SLC4A4: variants seen among roughly 807,000 people sequenced by gnomAD.
The protein encoded by SLC4A4 is solute carrier family 4 member 4.
SLC4A4 carries 27 observed loss-of-function variants against 111.5 expected under a neutral mutation model. The ratio of observed to expected loss-of-function variants is 0.24; its 90% CI spans 0.18 to 0.33. SLC4A4 has a LOEUF of 0.33. Ranked by LOEUF, SLC4A4 falls within the 10% of genes least tolerant of loss-of-function variation. The probability of loss-of-function intolerance (pLI) is 1.00; values close to 1 mark genes in which losing one functional copy is unlikely to be tolerated. For synonymous variants in SLC4A4, 443 were observed against 463.4 expected, an observed-to-expected ratio of 0.96 and a Z score of 0.57; for missense variants, 909 against 1,315.5, an observed-to-expected ratio of 0.69 and a Z score of 4.78.
chr4:71,149,009 C>G (rs982137737), intron 2 of SLC4A4, among the ~76,000 whole-genome samples: 4 of 152,154 alleles, frequency 2.6e-5, no homozygotes, highest in Admixed American at 2.6e-4. Flanking sequence ...CTCCCAACAA[C>G]AGTGTATAAG....
intron 1 of SLC4A4, among the ~76,000 whole-genome samples, chr4:71,192,738 C>G (rs1745790480): frequency 1.3e-5 from 2 of 152,106 alleles, no homozygotes; most frequent in South Asian, 4.2e-4. Context: ...TGTCATCATA[C>G]CATCAGTGGA....
chr4:71,423,967 C>T (rs1307330402), intron 7 of SLC4A4, among the ~76,000 whole-genome samples: 1 of 152,028 alleles, frequency 6.6e-6, no homozygotes, highest in Admixed American at 6.6e-5. Context: ...AAAGCAATGG[C>T]AACAAAAGCC....
intron 2 of SLC4A4, among the ~76,000 whole-genome samples, chr4:71,124,639 T>C (rs947558203): frequency 1.3e-5 from 2 of 152,254 alleles, no homozygotes; most frequent in Non-Finnish European, 2.9e-5. Context: ...ATTTTTACTT[T>C]CAATCTCTAG....
chr4:71,262,910 C>T (rs992802515), intron 3 of SLC4A4, among the ~76,000 whole-genome samples: 5 of 151,596 alleles, frequency 3.3e-5, no homozygotes, highest in South Asian at 2.1e-4. Flanking sequence ...ATGTGAACAA[C>T]GTGTAGGTTA....
At chr4:71,563,701 A>G in intron 23 of SLC4A4, 92 bp from the exon 24 acceptor site, 1 of 837,568 alleles carries the variant, frequency 1.2e-6, no homozygotes, top group South Asian at 1.3e-5. Context: ...TAGTATGTAA[A>G]TGATTATAGA....
chr4:71,102,097 C>A (rs977314506), intron 2 of SLC4A4, among the ~76,000 whole-genome samples: 1 of 151,956 alleles, frequency 6.6e-6, no homozygotes, highest in Non-Finnish European at 1.5e-5. Flanking sequence ...GAGCTGAAAA[C>A]CAAGGCTCAA....
chr4:71,461,919 C>T (rs370330549), intron 12 of SLC4A4, among the ~76,000 whole-genome samples: 2 of 152,118 alleles, frequency 1.3e-5, no homozygotes, highest in African/African-American at 4.8e-5. Context: ...TGGAAAGAAG[C>T]GTCTCTTAAT....
intron 2 of SLC4A4, among the ~76,000 whole-genome samples, chr4:71,107,190 A>C (rs1742955480): frequency 6.6e-6 from 1 of 152,098 alleles, no homozygotes; most frequent in South Asian, 2.1e-4. Context: ...TCATTCTGCC[A>C]ATCTCTGTCT....
At chr4:71,524,195 A>T (rs1733215416) in intron 16 of SLC4A4, among the ~76,000 whole-genome samples, 1 of 152,032 alleles carries the variant, frequency 6.6e-6, no homozygotes, top group Non-Finnish European at 1.5e-5. Flanking sequence ...GTATTCCCAA[A>T]TCCTCCGGCT....
At chr4:71,070,520 A>G (rs1741636570) in intron 1 of SLC4A4, among the ~76,000 whole-genome samples, 1 of 152,194 alleles carries the variant, frequency 6.6e-6, no homozygotes, top group African/African-American at 2.4e-5. Flanking sequence ...TAGGGAAATG[A>G]AATATCACCC....
In SLC4A4 at chr4:71,501,038, G is replaced by T. The variant is rs542335192; in HGVS notation, c.2166+3346G>T. Among the ~76,000 whole-genome samples the T allele has an allele frequency of 5.3e-5, 8 of 152,248 alleles. No homozygotes were observed. In the South Asian group the frequency reaches 1.5e-3, roughly 28 times the overall value. On this transcript the variant is annotated intron_variant, in intron 16 of 25. Coordinates refer to ENST00000264485, the MANE Select transcript of SLC4A4 (RefSeq NM_001098484.3). ...AGGGTTTGCTTTGCATCAGTAGATT[G>T]CTTTGGTAGTATGGACTTTTTAATA... is the stretch of plus-strand genomic sequence containing the variant.
intron 1 of SLC4A4, among the ~76,000 whole-genome samples, chr4:71,191,803 GAAAT>G (rs1745745017): frequency 6.6e-6 from 1 of 152,120 alleles, no homozygotes; most frequent in African/African-American, 2.4e-5. Context: ...GATGTTAAAG[GAAAT>G]AAATAACCAC....
intron 15 of SLC4A4, among the ~76,000 whole-genome samples, chr4:71,487,972 A>G (rs907570161): frequency 2.0e-5 from 3 of 151,534 alleles, no homozygotes; most frequent in Non-Finnish European, 3.0e-5. Context: ...AAGTATGTGT[A>G]TATGTTTTAC....
At chr4:71,321,044 C>T (rs1463453085) in intron 3 of SLC4A4, among the ~76,000 whole-genome samples, 1 of 151,944 alleles carries the variant, frequency 6.6e-6, no homozygotes, top group Non-Finnish European at 1.5e-5. Flanking sequence ...CGGATTGTGT[C>T]AAAGGGGGTG....
chr4:71,111,446 C>G (rs1271657546), intron 2 of SLC4A4, among the ~76,000 whole-genome samples: 2 of 150,882 alleles, frequency 1.3e-5, no homozygotes, highest in Non-Finnish European at 2.9e-5. Flanking sequence ...ACTGCAACCT[C>G]TGCCTCCGGG....
rs144568984 is a variant in SLC4A4 at position 71,485,170 on chromosome 4, A to G, written c.1904-1778A>G. On this transcript the variant is annotated intron_variant, in intron 14 of 25. Transcript: ENST00000264485. Reference sequence around the variant, plus strand: ...GATTGCCCTGGCCATTACTTCCAATACTATGTTGAATAGGAGTGGTGAGAG... The same window carrying G: ...GATTGCCCTGGCCATTACTTCCAATGCTATGTTGAATAGGAGTGGTGAGAG... Among the ~76,000 whole-genome samples, 732 of 151,856 alleles carry G rather than the reference A, an allele frequency of 4.8e-3. 8 individuals are homozygous for G. Among genetic ancestry groups the G allele is most frequent in the African/African-American group, 0.017 (693 of 41,448 alleles).
chr4:71,099,267 G>T (rs1455732693), intron 2 of SLC4A4, among the ~76,000 whole-genome samples: 1 of 152,112 alleles, frequency 6.6e-6, no homozygotes, highest in African/African-American at 2.4e-5. Flanking sequence ...GGACCATAGT[G>T]TGATAAAAAT....
chr4:71,547,658 G>A lies in SLC4A4; in HGVS notation c.2632G>A (p.Val878Ile), dbSNP rs1735652382. 3 of 1,611,652 alleles carry A rather than the reference G, an allele frequency of 1.9e-6. No individual in the cohort carries two copies. Among genetic ancestry groups the A allele is most frequent in the Non-Finnish European group, 2.5e-6 (3 of 1,178,296 alleles). ...PKFLGVREQR[V>I]TGTLVFILTG... ...TTGATTTGGTTTCAGGGAACAAAGA[G>A]TCACTGGAACCCTTGTGTTTATTCT... The change falls in exon 20 of 26, where the codon GTC (valine) becomes ATC (isoleucine). Residue 878 changes from valine to isoleucine, a missense_variant. Coordinates refer to ENST00000264485, the MANE Select transcript of SLC4A4 (RefSeq NM_001098484.3).
chr4:71,196,189 A>G (rs1054921915), intron 1 of SLC4A4, among the ~76,000 whole-genome samples: 3 of 152,212 alleles, frequency 2.0e-5, no homozygotes, highest in African/African-American at 7.2e-5. Context: ...GGAATGTGAG[A>G]TGAGCACTCA....
Sources: gnomAD v4.1 joint callset for allele counts (sites outside exome capture counted in the v4.1 genomes callset) on GRCh38, gnomAD v4.1.1 for gene constraint, MANE v1.5 for transcripts, NCBI Gene and HGNC (gene_info 2026-07-23, HGNC 2026-07-21) for gene names.